ADAMTS6: variants seen among roughly 807,000 people sequenced by gnomAD.
The protein encoded by ADAMTS6 is A disintegrin and metalloproteinase with thrombospondin motifs 6.
In ADAMTS6, 23 loss-of-function variants were observed where a neutral mutation model predicts 144.3. The ratio of observed to expected loss-of-function variants is 0.16; its 90% confidence interval spans 0.11 to 0.23. The LOEUF (loss-of-function observed/expected upper bound fraction) is 0.23. Ranked by LOEUF, ADAMTS6 falls within the 10% of genes least tolerant of loss-of-function variation. The pLI is 1.00. For synonymous variants in ADAMTS6, 444 were observed against 457.5 expected (o/e 0.97, Z 0.38); for missense variants, 999 against 1,379.6 (o/e 0.72, Z 4.37).
Position 65,402,681 on chromosome 5 carries a change from T to C in ADAMTS6, c.1073+48794A>G, listed in dbSNP as rs111752407. Reference sequence around the variant, plus strand: ...CACAATGAATAAATGTCCAGGCTCCTATCCAAGGACACCCCCCCCCATATT... The same window carrying C: ...CACAATGAATAAATGTCCAGGCTCCCATCCAAGGACACCCCCCCCCATATT... On this transcript the variant is annotated intron_variant, in intron 7 of 24. Coordinates refer to ENST00000381055, the MANE Select transcript of ADAMTS6 (RefSeq NM_197941.4). Among the ~76,000 whole-genome samples the C allele has an allele frequency of 6.7e-3, 964 of 143,288 alleles. 11 individuals are homozygous for C. The highest frequency in any genetic ancestry group is 0.024 in the African/African-American group (824 of 34,210). 94.0% of individuals were successfully genotyped at this position (143,288 alleles called of 152,430 possible).
At chr5:65,187,696 T>A (rs1376642182) in intron 22 of ADAMTS6, among the ~76,000 whole-genome samples, 1 of 152,210 alleles carries the variant, frequency 6.6e-6, no homozygotes, top group East Asian at 1.9e-4. Context: ...TAATCATGTA[T>A]CGCAAATTCT....
chr5:65,363,622 T>C (rs1750030815), intron 7 of ADAMTS6, among the ~76,000 whole-genome samples: 1 of 152,216 alleles, frequency 6.6e-6, no homozygotes, highest in South Asian at 2.1e-4. Flanking sequence ...AAAATGCATT[T>C]AAGCTTACTC....
chr5:65,179,956 GCGCA>G (rs5868400), intron 22 of ADAMTS6, among the ~76,000 whole-genome samples: 80,817 of 142,238 alleles, frequency 0.57, 22,423 homozygotes, highest in Non-Finnish European at 0.64. Context: ...GTGCACGCAC[GCGCA>G]CACACACACA....
chr5:65,329,275 AAGG>A, intron 9 of ADAMTS6, 100 bp downstream of exon 9: 1 of 957,556 alleles, frequency 1.0e-6, no homozygotes. Context: ...ATCAGACAAA[AAGG>A]TAGTAAAATA....
chr5:65,238,064 C>T (rs1758834191), intron 15 of ADAMTS6, among the ~76,000 whole-genome samples: 1 of 149,930 alleles, frequency 6.7e-6, no homozygotes, highest in Non-Finnish European at 1.5e-5. Context: ...CCAGCCTTGG[C>T]AACAGAGCAA....
intron 7 of ADAMTS6, among the ~76,000 whole-genome samples, chr5:65,391,419 T>TACACACACAC (rs34581260): frequency 2.0e-5 from 3 of 148,602 alleles, no homozygotes; most frequent in African/African-American, 4.9e-5. Flanking sequence ...TGTGTCTCTC[T>TACACACACAC]ACACACACAC....
At chr5:65,394,601 G>A (rs1333641796) in intron 7 of ADAMTS6, among the ~76,000 whole-genome samples, 1 of 152,138 alleles carries the variant, frequency 6.6e-6, no homozygotes, top group Non-Finnish European at 1.5e-5. Flanking sequence ...AGGGAATTAA[G>A]GTATGGAAGT....
Position 65,172,896 on chromosome 5 carries a change from A to C in ADAMTS6, c.3023T>G (p.Val1008Gly). 1 of 1,614,234 alleles carries C rather than the reference A, an allele frequency of 6.2e-7. No individual in the cohort carries two copies. Among genetic ancestry groups the C allele is most frequent in the Non-Finnish European group, 8.5e-7 (1 of 1,180,042 alleles). The change falls in exon 23 of 25, where the codon GTC (valine) becomes GGC (glycine). Residue 1008 changes from valine to glycine, a missense_variant. Around this residue, in one of 3 missense-constraint regions of ADAMTS6, gnomAD observed 619 missense variants for 837.0 expected, o/e 0.74. Coordinates refer to ENST00000381055, the MANE Select transcript of ADAMTS6 (RefSeq NM_197941.4). ...GCGGCCCAAACTGCAGCGGATGCGG[A>C]CAGGAGGTTTGCTTTCCTCTGGACA... Reference protein sequence around the residue: ...AQCPEESKPPVRIRCSLGRCP... With the variant: ...AQCPEESKPPGRIRCSLGRCP...
chr5:65,451,771 G>C (rs1266303035), intron 6 of ADAMTS6, 151 bp from the exon 7 acceptor site: 10 of 886,344 alleles, frequency 1.1e-5, no homozygotes, highest in Admixed American at 6.2e-5. Flanking sequence ...ATCTGACCTA[G>C]AGCTCATTTG....
chr5:65,403,187 C>G (rs1229969472), intron 7 of ADAMTS6, among the ~76,000 whole-genome samples: 1 of 152,084 alleles, frequency 6.6e-6, no homozygotes, highest in Non-Finnish European at 1.5e-5. Flanking sequence ...TCTCGTGATT[C>G]TCTTTCTATC....
chr5:65,194,633 TA>T (rs1478048673), intron 21 of ADAMTS6, among the ~76,000 whole-genome samples: 3 of 152,150 alleles, frequency 2.0e-5, no homozygotes, highest in African/African-American at 7.2e-5. Flanking sequence ...TTCAAAAGAC[TA>T]AAGAAGAAAT....
chr5:65,365,256 C>A (rs1178888706), intron 7 of ADAMTS6, among the ~76,000 whole-genome samples: 1 of 152,066 alleles, frequency 6.6e-6, no homozygotes, highest in Admixed American at 6.5e-5. Flanking sequence ...TAGAATTATG[C>A]TAATCAAGTA....
intron 7 of ADAMTS6, 132 bp downstream of exon 7, chr5:65,451,343 G>T: frequency 1.1e-6 from 1 of 884,272 alleles, no homozygotes; most frequent in Non-Finnish European, 1.7e-6. Flanking sequence ...TTCTTTCTCA[G>T]TAGTGAAAAA....
intron 7 of ADAMTS6, among the ~76,000 whole-genome samples, chr5:65,425,219 G>C (rs1365775964): frequency 6.6e-6 from 1 of 152,086 alleles, no homozygotes; most frequent in African/African-American, 2.4e-5. Context: ...TTAGAGACGG[G>C]GTTTTGCCAC....
chr5:65,171,199 CG>C (rs1561245240), intron 23 of ADAMTS6, among the ~76,000 whole-genome samples: 1 of 151,956 alleles, frequency 6.6e-6, no homozygotes, highest in African/African-American at 2.4e-5. Flanking sequence ...TTAGTAGAGA[CG>C]GGGTTTCACC....
chr5:65,451,317 A>G (rs1758724099), intron 7 of ADAMTS6, 158 bp downstream of exon 7: 3 of 703,126 alleles, frequency 4.3e-6, no homozygotes, highest in Non-Finnish European at 2.3e-6. Context: ...TGCAAACACA[A>G]TAATAGTGTA....
chr5:65,236,953 T>C (rs185179487), intron 15 of ADAMTS6, among the ~76,000 whole-genome samples: 2 of 152,088 alleles, frequency 1.3e-5, no homozygotes, highest in East Asian at 3.9e-4. Context: ...ACACAAATTA[T>C]CAATACCAGA....
chr5:65,243,161 C>A (rs914911683), intron 14 of ADAMTS6, among the ~76,000 whole-genome samples: 2 of 151,942 alleles, frequency 1.3e-5, no homozygotes, highest in Middle Eastern at 3.2e-3. Flanking sequence ...AAAATATTCT[C>A]CTAAAATATG....
At chr5:65,349,120 T>C (rs1218191738) in intron 7 of ADAMTS6, among the ~76,000 whole-genome samples, 9 of 152,098 alleles carry the variant, frequency 5.9e-5, no homozygotes, top group African/African-American at 2.2e-4. Context: ...AAGAAGCTAT[T>C]TAAGTCAAGG....
Sources: gnomAD v4.1 joint callset for allele counts (sites outside exome capture counted in the v4.1 genomes callset) on GRCh38, gnomAD v4.1.1 for gene constraint, gnomAD v4.1.1 regional missense constraint, MANE v1.5 for transcripts, NCBI Gene and HGNC (gene_info 2026-07-23, HGNC 2026-07-21) for gene names.